Variants in GATAD1 observed in about 807,000 individuals in gnomAD.
GATAD1 encodes the protein GATA zinc finger domain containing 1.
Under a neutral mutation model 26.5 loss-of-function variants are expected in GATAD1, and 12 were observed. That is an observed-to-expected ratio of 0.45 (90% CI 0.29 to 0.73). GATAD1 has a LOEUF of 0.73. Ranked by LOEUF, GATAD1 falls within the 30% of genes least tolerant of loss-of-function variation. The pLI, the probability that GATAD1 is intolerant of heterozygous loss-of-function variation, is 0.10. For synonymous variants in GATAD1, 129 were observed against 133.1 expected, an observed-to-expected ratio of 0.97 and a Z score of 0.21; for missense variants, 266 against 342.1, an observed-to-expected ratio of 0.78 and a Z score of 1.75.
chr7:92,455,357 T>A (rs530025260), intron 4 of GATAD1, among the ~76,000 whole-genome samples: 1 of 152,282 alleles, frequency 6.6e-6, no homozygotes, highest in South Asian at 2.1e-4. Flanking sequence ...TTAGGTTACT[T>A]ATTTATACAA....
chr7:92,492,779 T>G, the GATAD1 span, among the ~76,000 whole-genome samples: 21 of 152,220 alleles, frequency 1.4e-4, no homozygotes, highest in Non-Finnish European at 2.8e-4. Context: ...TAATTATAAA[T>G]TCTCTGCAAA....
At chr7:92,484,254 A>G in the GATAD1 span, among the ~76,000 whole-genome samples, 4 of 152,190 alleles carry the variant, frequency 2.6e-5, no homozygotes, top group African/African-American at 9.6e-5. Flanking sequence ...TTAAGAACAC[A>G]GGCTAAGGGA....
intron 4 of GATAD1, 67 bp from the exon 5 acceptor site, chr7:92,456,305 T>C: frequency 9.1e-7 from 1 of 1,098,156 alleles, no homozygotes; most frequent in South Asian, 1.6e-5. Flanking sequence ...CTAGAAATTT[T>C]AACATCTTAT....
chr7:92,484,874 A>G, the GATAD1 span, among the ~76,000 whole-genome samples: 1 of 152,140 alleles, frequency 6.6e-6, no homozygotes, highest in Admixed American at 6.5e-5. Flanking sequence ...GAGTCCACCA[A>G]ACAGGCTTTG....
chr7:92,467,065 C>A, the GATAD1 span, among the ~76,000 whole-genome samples: 5 of 151,926 alleles, frequency 3.3e-5, no homozygotes, highest in South Asian at 2.1e-4. Flanking sequence ...TGCTTTTAAT[C>A]CCAGCACTTT....
the GATAD1 span, chr7:92,493,172 A>G: frequency 9.2e-7 from 1 of 1,084,196 alleles, no homozygotes. Flanking sequence ...AAATAAAATT[A>G]AAAATATTAT....
the GATAD1 span, chr7:92,493,087 G>A: frequency 6.2e-7 from 1 of 1,612,336 alleles, no homozygotes; most frequent in Non-Finnish European, 8.5e-7. Flanking sequence ...TCTGCCAGAG[G>A]TAGAGAGTCA....
chr7:92,473,021 A>G, the GATAD1 span: 1 of 152,198 alleles, frequency 6.6e-6, no homozygotes, highest in Non-Finnish European at 1.5e-5. Context: ...ATAGATGGGG[A>G]CTATCCCTGA....
chr7:92,460,542 G>A (rs975605508), downstream of GATAD1, among the ~76,000 whole-genome samples: 10 of 152,240 alleles, frequency 6.6e-5, no homozygotes, highest in South Asian at 8.3e-4. Flanking sequence ...AAGATTGCTC[G>A]TAGTAGCGGA....
chr7:92,448,289 G>T lies in GATAD1; in HGVS notation c.249+311G>T, dbSNP rs114396690. Among the ~76,000 whole-genome samples the T allele has an allele frequency of 4.0e-3, 608 of 152,330 alleles. 6 individuals are homozygous for T. The highest frequency in any genetic ancestry group is 0.014 in the African/African-American group (577 of 41,568). On this transcript the variant is annotated intron_variant, in intron 1 of 4. Coordinates refer to ENST00000287957, the MANE Select transcript of GATAD1 (RefSeq NM_021167.5). ...CGCTGGACCTCATTCCTTGTTAAAG[G>T]TTTTGTCATATCAGGTTATGAAGTA...
chr7:92,484,972 A>G, the GATAD1 span, among the ~76,000 whole-genome samples: 1 of 139,106 alleles, frequency 7.2e-6, no homozygotes, highest in Non-Finnish European at 1.5e-5. Flanking sequence ...GGGTGGGGCC[A>G]TTTTATAGGA....
the GATAD1 span, chr7:92,469,804 T>C: frequency 1.3e-6 from 1 of 767,244 alleles, no homozygotes; most frequent in Non-Finnish European, 2.4e-6. Context: ...TGGCCTGAAG[T>C]TCAGGGGGAG....
Position 92,456,456 on chromosome 7 carries a change from C to T in GATAD1, c.704C>T (p.Ser235Leu). The change falls in exon 5 of 5, where the codon TCA becomes TTA. Residue 235 changes from serine (S) to leucine (L), a missense_variant. Ser to Leu is a moderately radical substitution (Grantham distance 145, BLOSUM62 -2). Coordinates refer to ENST00000287957, the MANE Select transcript of GATAD1 (RefSeq NM_021167.5). ...APSEYFKSRS[S>L]PFPTVPTRPE... ...TCTGAGTATTTCAAGTCACGGTCAT[C>T]ACCATTTCCCACAGTTCCCACCAGA... is the stretch of plus-strand genomic sequence containing the variant. The T allele has an allele frequency of 1.2e-6, 2 of 1,611,514 alleles. No homozygotes were observed. The highest frequency in any genetic ancestry group is 1.7e-6 in the Non-Finnish European group (2 of 1,177,622).
At chr7:92,454,333 C>T (rs922458277) in intron 3 of GATAD1, 169 bp from the exon 4 acceptor site, 29 of 597,272 alleles carry the variant, frequency 4.9e-5, no homozygotes, top group Middle Eastern at 4.3e-4. Context: ...TTCATTCAAA[C>T]GTGAAACAAC....
At chr7:92,469,198 C>T in the GATAD1 span, 1 of 740,262 alleles carries the variant, frequency 1.4e-6, no homozygotes, top group South Asian at 1.4e-5. Flanking sequence ...TAAACAGGTT[C>T]CCCCTCTTTC....
chr7:92,494,232 A>T, the GATAD1 span: 2 of 1,239,792 alleles, frequency 1.6e-6, no homozygotes, highest in African/African-American at 2.9e-5. Context: ...GCAGAAGTAA[A>T]GCTCACAAGG....
At chr7:92,491,543 A>C in the GATAD1 span, 2 of 1,177,458 alleles carry the variant, frequency 1.7e-6, no homozygotes, top group Non-Finnish European at 2.6e-6. Context: ...AGATGTAAAC[A>C]ATTTTAGTCT....
intron 3 of GATAD1, chr7:92,454,072 C>T (rs187358403): frequency 7.0e-5 from 15 of 213,136 alleles, no homozygotes; most frequent in Admixed American, 5.6e-4. Context: ...AACAAGTGTA[C>T]CACTCTAGTG....
the GATAD1 span, chr7:92,469,879 A>C: frequency 1.3e-6 from 1 of 778,178 alleles, no homozygotes; most frequent in South Asian, 1.3e-5. Flanking sequence ...GGTGGTATTA[A>C]ATAGGCTTAC....
Sources: gnomAD v4.1 joint callset for allele counts (sites outside exome capture counted in the v4.1 genomes callset) on GRCh38, gnomAD v4.1.1 for gene constraint, MANE v1.5 for transcripts, NCBI Gene and HGNC (gene_info 2026-07-23, HGNC 2026-07-21) for gene names.